Variants in USH2A observed in about 807,000 individuals in gnomAD.
The protein encoded by USH2A is Usher syndrome 2A (autosomal recessive, mild).
Under a neutral mutation model 538.9 loss-of-function variants are expected in USH2A, and 443 were observed. The ratio of observed to expected loss-of-function variants is 0.82; its 90% CI spans 0.76 to 0.89. USH2A has a LOEUF of 0.89. USH2A is among the 40% of genes least tolerant of loss of function. USH2A has a pLI of 0.00. For synonymous variants in USH2A, 2,413 were observed against 2,273.5 expected (o/e 1.06, Z -1.75); for missense variants, 6,633 against 6,324.8 (o/e 1.05, Z -1.65).
intron 12 of USH2A, among the ~76,000 whole-genome samples, chr1:216,248,733 G>A (rs1186467391): frequency 6.6e-6 from 1 of 151,948 alleles, no homozygotes; most frequent in East Asian, 1.9e-4. Flanking sequence ...ATTAAAATTG[G>A]TCTACATGGA....
At position 215,716,022 on chromosome 1, in the gene USH2A, G is replaced by A. The variant is rs187747016; in HGVS notation, c.12066+12008C>T. ...AAAGGCAACTGTCTATACTTAGAGAGTTGAGATTAATAACATGTCACGTCC... is the reference window on the plus strand; with the variant it reads ...AAAGGCAACTGTCTATACTTAGAGAATTGAGATTAATAACATGTCACGTCC... On this transcript the variant is annotated intron_variant, in intron 61 of 71. Transcript: ENST00000307340. Among the ~76,000 whole-genome samples, 1,422 of 152,348 alleles carry A rather than the reference G, an allele frequency of 9.3e-3. 22 individuals are homozygous for A. Among genetic ancestry groups the A allele is most frequent in the Non-Finnish European group, 1.0e-2 (680 of 68,032 alleles).
At chr1:216,015,777 A>G (rs1398704539) in intron 32 of USH2A, among the ~76,000 whole-genome samples, 2 of 152,168 alleles carry the variant, frequency 1.3e-5, no homozygotes, top group Admixed American at 1.3e-4. Flanking sequence ...AGTGATGATG[A>G]GCATTTTTTC....
intron 35 of USH2A, among the ~76,000 whole-genome samples, chr1:215,982,559 C>G (rs1667775096): frequency 6.6e-6 from 1 of 152,164 alleles, no homozygotes; most frequent in South Asian, 2.1e-4. Flanking sequence ...AAATTCATTC[C>G]TTTCCAATGA....
At chr1:216,266,098 A>G (rs966868707) in intron 11 of USH2A, among the ~76,000 whole-genome samples, 9 of 152,126 alleles carry the variant, frequency 5.9e-5, no homozygotes, top group African/African-American at 1.7e-4. Flanking sequence ...GTGGTAATGG[A>G]TTTGCTAATT....
In USH2A at chr1:216,246,729, A is replaced by C; in HGVS notation, c.2665T>G (p.Leu889Val). ...CNQCEPHRYNLTIDNFQHCQM... is the reference protein window; with the variant it reads ...CNQCEPHRYNVTIDNFQHCQM... Reference sequence around the variant, plus strand: ...CAGTGTTGAAAATTGTCAATGGTCAAATTGTACCTGTGAGGCTCACACTGA... The same window carrying C: ...CAGTGTTGAAAATTGTCAATGGTCACATTGTACCTGTGAGGCTCACACTGA... Residue 889 changes from leucine (L) to valine (V), a missense_variant, in exon 13 of 72, where the codon TTG (leucine) becomes GTG (valine). By Grantham distance (32) the Leu-to-Val change is conservative (BLOSUM62 1). Transcript: ENST00000307340. The C allele has an allele frequency of 6.2e-7, 1 of 1,614,108 alleles. No individual in the cohort carries two copies. Among genetic ancestry groups the C allele is most frequent in the Non-Finnish European group, 8.5e-7 (1 of 1,179,962 alleles).
At chr1:215,687,353 C>T (rs775233501) in intron 61 of USH2A, among the ~76,000 whole-genome samples, 4 of 150,308 alleles carry the variant, frequency 2.7e-5, no homozygotes, top group South Asian at 2.1e-4. Flanking sequence ...AAGAATGATA[C>T]GTGAAAAGGG....
chr1:216,350,399 T>A (rs2038259373), intron 4 of USH2A, among the ~76,000 whole-genome samples: 1 of 152,106 alleles, frequency 6.6e-6, no homozygotes, highest in Non-Finnish European at 1.5e-5. Flanking sequence ...CAAAGTCTCA[T>A]CTGAGACAAG....
chr1:216,273,498 A>G (rs902587941), intron 11 of USH2A, among the ~76,000 whole-genome samples: 1 of 152,114 alleles, frequency 6.6e-6, no homozygotes, highest in African/African-American at 2.4e-5. Flanking sequence ...AAAACCTCAC[A>G]TAGTTTATTT....
chr1:215,998,809 G>T, intron 34 of USH2A, 78 bp downstream of exon 34: 1 of 1,490,876 alleles, frequency 6.7e-7, no homozygotes, highest in Non-Finnish European at 9.3e-7. Context: ...AAGTGAGAGA[G>T]AAAGAAAAGA....
Position 216,333,822 on chromosome 1 carries a change from T to TA in USH2A, c.785-6169dup, listed in dbSNP as rs372865207. On this transcript the variant is annotated intron_variant, in intron 4 of 71. Coordinates refer to ENST00000307340, the MANE Select transcript of USH2A (RefSeq NM_206933.4). ...GAGAAGAATGACATATTTAAAGTCG[T>TA]AAAAAAAAACTGTACACCAAAAACT... 3.4e-3 allele frequency among the ~76,000 whole-genome samples: 514 copies of TA among 151,222 alleles called. 1 individual carries two copies. The highest frequency in any genetic ancestry group is 6.6e-3 in the African/African-American group (271 of 41,266).
At chr1:216,170,230 C>T (rs2034250158) in intron 21 of USH2A, among the ~76,000 whole-genome samples, 1 of 151,926 alleles carries the variant, frequency 6.6e-6, no homozygotes, top group Admixed American at 6.6e-5. Context: ...TGCTCTTAAA[C>T]ATATTGATTT....
intron 21 of USH2A, among the ~76,000 whole-genome samples, chr1:216,098,972 A>C (rs2032513011): frequency 6.6e-6 from 1 of 152,212 alleles, no homozygotes. Context: ...AGGTGAGACC[A>C]CATCTGTACA....
At chr1:215,679,980 C>T (rs1294448063) in intron 62 of USH2A, among the ~76,000 whole-genome samples, 169 bp downstream of exon 62, 1 of 152,188 alleles carries the variant, frequency 6.6e-6, no homozygotes, top group Non-Finnish European at 1.5e-5. Context: ...AAGCATCACA[C>T]ATCTAAGCTA....
At chr1:215,835,542 T>C (rs552675138) in intron 47 of USH2A, among the ~76,000 whole-genome samples, 1 of 152,212 alleles carries the variant, frequency 6.6e-6, no homozygotes, top group South Asian at 2.1e-4. Flanking sequence ...AATCTCCTGG[T>C]CGGTGGACTT....
At chr1:216,003,590 G>A (rs1668323802) in intron 32 of USH2A, among the ~76,000 whole-genome samples, 1 of 152,058 alleles carries the variant, frequency 6.6e-6, no homozygotes, top group Non-Finnish European at 1.5e-5. Context: ...CAAAGCTGTG[G>A]AAGGAGGGAC....
At chr1:215,670,500 A>T (rs1657779901) in intron 64 of USH2A, among the ~76,000 whole-genome samples, 1 of 152,192 alleles carries the variant, frequency 6.6e-6, no homozygotes, top group Non-Finnish European at 1.5e-5. Flanking sequence ...CCTCAGAGAA[A>T]ACTTAACTCA....
intron 38 of USH2A, among the ~76,000 whole-genome samples, chr1:215,914,875 A>G (rs1665913145): frequency 6.6e-6 from 1 of 152,172 alleles, no homozygotes; most frequent in Non-Finnish European, 1.5e-5. Flanking sequence ...TTTGGTAAAG[A>G]GTCTTTATGT....
chr1:215,899,692 A>C (rs1665440294), intron 40 of USH2A, among the ~76,000 whole-genome samples: 1 of 152,180 alleles, frequency 6.6e-6, no homozygotes, highest in Non-Finnish European at 1.5e-5. Flanking sequence ...CAGCCTCATG[A>C]AGTAAGGTCC....
At chr1:215,947,285 C>T (rs143446254) in intron 37 of USH2A, among the ~76,000 whole-genome samples, 205 of 152,266 alleles carry the variant, frequency 1.3e-3, no homozygotes, top group African/African-American at 4.8e-3. Flanking sequence ...TTCAGGTGGT[C>T]TGCCACCCTC....
Sources: allele counts gnomAD v4.1 joint callset (sites outside exome capture counted in the v4.1 genomes callset), GRCh38; gene constraint gnomAD v4.1.1; transcripts MANE v1.5; gene names NCBI Gene and HGNC (gene_info 2026-07-23, HGNC 2026-07-21).